The following ZFAND4 variants were observed in gnomAD, a reference collection of about 807,000 sequenced individuals.
ZFAND4 encodes the protein AN1-type zinc finger protein 4.
A neutral mutation model predicts 64.4 loss-of-function variants in ZFAND4; 43 were observed. The ratio of observed to expected loss-of-function variants is 0.67; its 90% CI spans 0.52 to 0.86. The LOEUF is 0.86. Among genes scored for constraint, ZFAND4 ranks in the 40% least tolerant of loss-of-function variants. The pLI is 0.00. For synonymous variants in ZFAND4, 296 were observed against 305.7 expected (o/e 0.97, Z 0.33); for missense variants, 929 against 859.8 (o/e 1.08, Z -1.01).
intron 6 of ZFAND4, among the ~76,000 whole-genome samples, chr10:45,632,885 A>G (rs2046319314): frequency 6.6e-6 from 1 of 152,212 alleles, no homozygotes; most frequent in Non-Finnish European, 1.5e-5. Context: ...GAAATATGTA[A>G]AACAAAGTAA....
In ZFAND4 at chr10:45,626,552, A is replaced by G. The variant is rs2133573079; in HGVS notation, c.1271T>C (p.Leu424Pro). ...GTCAGCATTAGTGAGTAGCAACTCC[A>G]GATTCACTTTGCACGCACCTTCTAA... Reference protein sequence around the residue: ...SGLEGACKVNLELLLTNADKG... With the variant: ...SGLEGACKVNPELLLTNADKG... The change falls in exon 7 of 10, where the codon CTG becomes CCG. Residue 424 changes from leucine (L) to proline (P), a missense_variant. Coordinates refer to ENST00000344646, the MANE Select transcript of ZFAND4 (RefSeq NM_174890.4). 5 of 1,614,164 alleles carry G rather than the reference A, an allele frequency of 3.1e-6. No individual in the cohort carries two copies. The highest frequency in any genetic ancestry group is 4.2e-6 in the Non-Finnish European group (5 of 1,180,042).
intron 6 of ZFAND4, among the ~76,000 whole-genome samples, chr10:45,627,596 C>T (rs950334875): frequency 6.6e-6 from 1 of 152,046 alleles, no homozygotes; most frequent in African/African-American, 2.4e-5. Flanking sequence ...TCAGGAGGTT[C>T]AGGAGGGTTC....
intron 4 of ZFAND4, 57 bp from the exon 5 acceptor site, chr10:45,648,591 G>A: frequency 1.3e-6 from 2 of 1,539,776 alleles, no homozygotes; most frequent in Non-Finnish European, 8.8e-7. Context: ...ATGCATCTTG[G>A]TACAGTGACA....
intron 8 of ZFAND4, chr10:45,620,719 T>C (rs552827196): frequency 1.3e-5 from 2 of 152,346 alleles, no homozygotes; most frequent in African/African-American, 4.8e-5. Context: ...GGTATTATTA[T>C]GTCCAATATA....
At chr10:45,640,380 G>C in intron 5 of ZFAND4, 1 of 1,270,302 alleles carries the variant, frequency 7.9e-7, no homozygotes, top group South Asian at 1.3e-5. Flanking sequence ...ATTTGGCACG[G>C]GAGAGAAGTA....
At chr10:45,638,558 G>A (rs545602645) in intron 6 of ZFAND4, among the ~76,000 whole-genome samples, 11 of 152,152 alleles carry the variant, frequency 7.2e-5, no homozygotes, top group South Asian at 2.1e-4. Context: ...TAATACTAAA[G>A]TTAAACGTGC....
chr10:45,644,987 T>C (rs953820178), intron 5 of ZFAND4, among the ~76,000 whole-genome samples: 3 of 151,090 alleles, frequency 2.0e-5, no homozygotes, highest in Non-Finnish European at 4.4e-5. Flanking sequence ...TTTTTTTTTT[T>C]TTTTGTCTTT....
chr10:45,630,215 TTAAG>T (rs1189541814), intron 6 of ZFAND4, among the ~76,000 whole-genome samples: 1 of 152,118 alleles, frequency 6.6e-6, no homozygotes, highest in African/African-American at 2.4e-5. Context: ...CCAACCTAAA[TTAAG>T]TATCTTTTAG....
rs1290686754 is a variant in ZFAND4, at chr10:45,624,596, T to C, written c.1914A>G (p.Ala638=). The C allele has an allele frequency of 6.2e-7, 1 of 1,613,912 alleles. No homozygotes were observed. Among genetic ancestry groups the C allele is most frequent in the South Asian group, 1.1e-5 (1 of 91,076 alleles). ...TCTGTAGCTTACCTACGCTTTTCCC[T>C]GCTGCTGCATTATTTCCATTCATTC... ...GVGMNGNNAA[A]GKSVGECTTH... is the part of the protein sequence containing the mutation. The change falls in exon 8 of 10, where the codon GCA becomes GCG. Residue 638 remains alanine (A), a synonymous_variant. Coordinates refer to ENST00000344646, the MANE Select transcript of ZFAND4 (RefSeq NM_174890.4).
chr10:45,646,870 A>G (rs949820327), intron 5 of ZFAND4, among the ~76,000 whole-genome samples: 3 of 152,220 alleles, frequency 2.0e-5, no homozygotes, highest in East Asian at 3.8e-4. Flanking sequence ...TTTCTTGCCC[A>G]GGGTTTATGC....
chr10:45,629,653 G>A (rs2046072653), intron 6 of ZFAND4, among the ~76,000 whole-genome samples: 2 of 151,980 alleles, frequency 1.3e-5, no homozygotes, highest in Admixed American at 6.6e-5. Flanking sequence ...TTGAGTTCAG[G>A]AGTTCAAGAC....
chr10:45,627,087 T>A lies in ZFAND4; in HGVS notation c.736A>T (p.Ile246Leu). Residue 246 changes from isoleucine (I) to leucine (L), a missense_variant, in exon 7 of 10, where the codon ATA becomes TTA. Coordinates refer to ENST00000344646, the MANE Select transcript of ZFAND4 (RefSeq NM_174890.4). ...LSKKPKKAVK[I>L]KPHPPVAPRP... ...GGAGCTACAGGTGGGTGAGGTTTTA[T>A]CTTGACAGCTTTCTTAGGCTAAAAG... is the stretch of plus-strand genomic sequence containing the variant. 6.5e-7 allele frequency: 1 copy of A among 1,541,878 alleles called. No individual in the cohort carries two copies. The highest frequency in any genetic ancestry group is 1.3e-5 in the South Asian group (1 of 78,188).
chr10:45,639,770 C>A, intron 6 of ZFAND4, 46 bp downstream of exon 6: 1 of 1,558,564 alleles, frequency 6.4e-7, no homozygotes. Flanking sequence ...GAGTGCTCTG[C>A]AGGGGTAAGC....
At chr10:45,622,221 C>T (rs1459629091) in intron 8 of ZFAND4, among the ~76,000 whole-genome samples, 1 of 152,158 alleles carries the variant, frequency 6.6e-6, no homozygotes, top group Non-Finnish European at 1.5e-5. Flanking sequence ...TGACTTTCAA[C>T]ACGGGTGCCA....
chr10:45,655,787 T>C (rs1041318307), intron 2 of ZFAND4, among the ~76,000 whole-genome samples: 2 of 152,128 alleles, frequency 1.3e-5, no homozygotes, highest in Non-Finnish European at 2.9e-5. Context: ...CCTAGAAACA[T>C]ACAATCCTCC....
Position 45,616,580 on chromosome 10 carries a change from C to CA in ZFAND4, c.2049-10dup, listed in dbSNP as rs554101876. ...AGAAGTTGTTTCCACATCTAAAGCACAAAAAAAGTTTACGTGAATAGTTGT... is the reference window on the plus strand; with the variant it reads ...AGAAGTTGTTTCCACATCTAAAGCACAAAAAAAAGTTTACGTGAATAGTTGT... On this transcript the variant is annotated splice_polypyrimidine_tract_variant and intron_variant, in intron 9 of 9. Coordinates refer to ENST00000344646, the MANE Select transcript of ZFAND4 (RefSeq NM_174890.4). 313 of 1,611,180 alleles carry CA rather than the reference C, an allele frequency of 1.9e-4. 2 individuals carry two copies. In the East Asian group the frequency reaches 6.4e-3, roughly 33 times the overall value.
At chr10:45,628,769 T>C (rs766870453) in intron 6 of ZFAND4, among the ~76,000 whole-genome samples, 7 of 151,828 alleles carry the variant, frequency 4.6e-5, no homozygotes, top group Admixed American at 6.6e-5. Context: ...TCATAACCCA[T>C]GCATCAGAAA....
At chr10:45,667,196 T>C (rs552849622) in intron 1 of ZFAND4, among the ~76,000 whole-genome samples, 1 of 152,332 alleles carries the variant, frequency 6.6e-6, no homozygotes, top group East Asian at 1.9e-4. Context: ...ATTAAATTTA[T>C]TCCTAAGTAT....
chr10:45,658,965 T>C (rs1041721175), intron 2 of ZFAND4, among the ~76,000 whole-genome samples: 3 of 152,158 alleles, frequency 2.0e-5, no homozygotes, highest in Admixed American at 1.3e-4. Flanking sequence ...TAAATCACCA[T>C]AAGAAAATCT....
Sources: gnomAD v4.1 joint callset for allele counts (sites outside exome capture counted in the v4.1 genomes callset) on GRCh38, gnomAD v4.1.1 for gene constraint, MANE v1.5 for transcripts, NCBI Gene and HGNC (gene_info 2026-07-23, HGNC 2026-07-21) for gene names.